The following ECPAS variants were observed in gnomAD, a reference collection of about 807,000 sequenced individuals.
ECPAS encodes Ecm29 proteasome adaptor and scaffold.
ECPAS carries 70 observed loss-of-function variants against 255.1 expected under a neutral mutation model. The observed-to-expected ratio is 0.27, with a 90% confidence interval of 0.23 to 0.33. The LOEUF (loss-of-function observed/expected upper bound fraction) is 0.33. Among genes scored for constraint, ECPAS ranks in the 10% least tolerant of loss-of-function variants. ECPAS has a pLI of 1.00. For missense variants in ECPAS, 1,817 were observed against 2,206.4 expected (o/e 0.82, Z 3.54); for synonymous variants, 784 against 775.0 (o/e 1.01, Z -0.19).
chr9:111,399,739 C>T (rs972440830), intron 24 of ECPAS, among the ~76,000 whole-genome samples: 15 of 152,198 alleles, frequency 9.9e-5, no homozygotes, highest in Non-Finnish European at 2.1e-4. Flanking sequence ...AGGCAGAGTC[C>T]GAAAGCCCCA....
rs2098183186 is a variant in ECPAS, at chr9:111,405,869, T to C, written c.2652+2702A>G. On this transcript the variant is annotated intron_variant, in intron 24 of 49. Transcript: ENST00000684092. ...ATCTCACCCTAGTTAGAACAGCCAT[T>C]ATCAAGAAGACAGAAAACAACAGCT... 1.3e-5 allele frequency among the ~76,000 whole-genome samples: 2 copies of C among 149,566 alleles called. 1 individual carries two copies. Among genetic ancestry groups the C allele is most frequent in the African/African-American group, 5.1e-5 (2 of 39,276 alleles).
chr9:111,363,440 C>A, intron 49 of ECPAS, 148 bp downstream of exon 49: 1 of 437,766 alleles, frequency 2.3e-6, no homozygotes, highest in Non-Finnish European at 4.0e-6. Flanking sequence ...ATAGTTTTGG[C>A]TTTGTCCATT....
intron 2 of ECPAS, among the ~76,000 whole-genome samples, chr9:111,455,353 G>A (rs562438359): frequency 3.9e-4 from 60 of 152,260 alleles, no homozygotes; most frequent in South Asian, 1.2e-3. Context: ...GCGTGGTGGC[G>A]GGTGCCTGTA....
At chr9:111,414,071 C>A in intron 19 of ECPAS, 85 bp from the exon 20 acceptor site, 2 of 824,876 alleles carry the variant, frequency 2.4e-6, no homozygotes, top group South Asian at 2.0e-5. Context: ...AGTATAAGGC[C>A]ACTGCTTTAG....
In ECPAS at chr9:111,451,503, T is replaced by C. The variant is rs780611450; in HGVS notation, c.75A>G (p.Gln25=). ...LRLGHAETDE[Q]LQNIISKFLP... is the part of the protein sequence containing the mutation. ...GGAATTTAGATATAATATTCTGTAA[T>C]TGTTCATCTGTTTCAGCATGGCCAA... Residue 25 remains glutamine (Q), a synonymous_variant, in exon 3 of 50, where the codon CAA becomes CAG. Transcript: ENST00000684092. 10 of 1,576,190 alleles carry C rather than the reference T, an allele frequency of 6.3e-6. No individual in the cohort carries two copies. Among genetic ancestry groups the C allele is most frequent in the Admixed American group, 3.7e-5 (2 of 54,786 alleles).
intron 1 of ECPAS, among the ~76,000 whole-genome samples, chr9:111,482,684 G>A (rs1016987519): frequency 1.3e-5 from 2 of 152,056 alleles, no homozygotes; most frequent in Non-Finnish European, 2.9e-5. Flanking sequence ...AAAACCCTTG[G>A]GGGGGAGAAC....
chr9:111,370,583 T>C lies in ECPAS; in HGVS notation c.4826A>G (p.Glu1609Gly). 1 of 1,611,222 alleles carries C rather than the reference T, an allele frequency of 6.2e-7. No homozygotes were observed. The change falls in exon 45 of 50, where the codon GAA becomes GGA. Residue 1609 changes from glutamate to glycine, a missense_variant. Glu to Gly is a moderately conservative substitution (Grantham distance 98). Around this residue, in one of 4 missense-constraint regions of ECPAS, gnomAD observed 960 missense variants for 1,179.0 expected, o/e 0.81. Coordinates refer to ENST00000684092, the MANE Select transcript of ECPAS (RefSeq NM_001364929.1). ...TTCCTTCAGAACAGCTTGAAGAATT[T>C]CATTTGTGCTGGGTTGATTGGGCAC... ...KSVPNQPSTNEILQAVLKECS... is the reference protein window; with the variant it reads ...KSVPNQPSTNGILQAVLKECS...
intron 2 of ECPAS, among the ~76,000 whole-genome samples, chr9:111,459,460 T>TA (rs1357595564): frequency 1.3e-5 from 2 of 152,152 alleles, no homozygotes; most frequent in African/African-American, 4.8e-5. Context: ...ATCAGAAGTC[T>TA]ACGAAATATT....
At chr9:111,422,263 A>C in intron 13 of ECPAS, 63 bp from the exon 14 acceptor site, 1 of 1,522,828 alleles carries the variant, frequency 6.6e-7, no homozygotes, top group Non-Finnish European at 9.1e-7. Context: ...AAAGGGAAAA[A>C]ATGAAACTAA....
chr9:111,383,689 GGCA>G (rs1171919505), intron 34 of ECPAS, among the ~76,000 whole-genome samples: 2 of 152,182 alleles, frequency 1.3e-5, no homozygotes, highest in Non-Finnish European at 2.9e-5. Flanking sequence ...GGGAGGCCGA[GGCA>G]GGCGGATTGC....
In ECPAS at chr9:111,478,712, G is replaced by A. The variant is rs182324070; in HGVS notation, c.-83+5404C>T. 5.8e-3 allele frequency among the ~76,000 whole-genome samples: 884 copies of A among 152,226 alleles called. 8 individuals carry two copies. Among genetic ancestry groups the A allele is most frequent in the African/African-American group, 0.019 (809 of 41,538 alleles). On this transcript the variant is annotated intron_variant, in intron 1 of 49. Transcript: ENST00000684092. Reference sequence around the variant, plus strand: ...ATGTTCATTTGAAATCTATAGAAATGCAGTTTTACCAGCTACACATCTCAA... The same window carrying A: ...ATGTTCATTTGAAATCTATAGAAATACAGTTTTACCAGCTACACATCTCAA...
At chr9:111,441,569 T>C (rs1405930800) in intron 5 of ECPAS, among the ~76,000 whole-genome samples, 1 of 152,188 alleles carries the variant, frequency 6.6e-6, no homozygotes, top group African/African-American at 2.4e-5. Context: ...CATATTAATA[T>C]TTTGAATACA....
At chr9:111,428,618 CACAGATATGTGTG>C (rs1589185783) in intron 9 of ECPAS, among the ~76,000 whole-genome samples, 1 of 152,174 alleles carries the variant, frequency 6.6e-6, no homozygotes, top group East Asian at 1.9e-4. Context: ...ACCTCGCTTG[CACAGATATGTGTG>C]GTTGGAAAAG....
intron 24 of ECPAS, among the ~76,000 whole-genome samples, chr9:111,401,248 G>C (rs570116645): frequency 6.6e-6 from 1 of 152,138 alleles, no homozygotes; most frequent in Non-Finnish European, 1.5e-5. Flanking sequence ...CCTAAGTGTC[G>C]GTTGGTCTGA....
chr9:111,402,092 T>C (rs2098176981), intron 24 of ECPAS, among the ~76,000 whole-genome samples: 1 of 152,204 alleles, frequency 6.6e-6, no homozygotes, highest in African/African-American at 2.4e-5. Context: ...TAAATGTCCA[T>C]GAAATCTTCA....
intron 1 of ECPAS, among the ~76,000 whole-genome samples, chr9:111,480,292 C>CTTTTTTTTT (rs398011866): frequency 1.1e-4 from 7 of 63,626 alleles, no homozygotes; most frequent in Non-Finnish European, 1.4e-4. Context: ...AGCACCTTTT[C>CTTTTTTTTT]TTTTTTTTTT....
rs1361549354 is a variant in ECPAS, at chr9:111,366,550, G to A, written c.5191C>T (p.Leu1731=). 1.2e-6 allele frequency: 2 copies of A among 1,613,152 alleles called. No individual in the cohort carries two copies. Among genetic ancestry groups the A allele is most frequent in the Admixed American group, 1.7e-5 (1 of 59,924 alleles). The part of the protein sequence containing the change: ...LSTWKVQLGV[L]QSMNAFFQGL... ...TGAAAAAAGGCATTCATTGATTGCAGGACTCCTAGCTGCACTTTCCACGTG... is the reference window on the plus strand; with the variant it reads ...TGAAAAAAGGCATTCATTGATTGCAAGACTCCTAGCTGCACTTTCCACGTG... The change falls in exon 47 of 50, where the codon CTG becomes TTG. Residue 1731 remains leucine (L), a synonymous_variant. Transcript: ENST00000684092.
At chr9:111,390,142 T>C (rs912652298) in intron 29 of ECPAS, 41 bp from the exon 30 acceptor site, 5 of 1,208,012 alleles carry the variant, frequency 4.1e-6, no homozygotes, top group African/African-American at 3.0e-5. Context: ...AATACACTTC[T>C]CTCTCTCCAG....
chr9:111,427,158 C>CAAAAAA (rs1308047192), intron 10 of ECPAS, among the ~76,000 whole-genome samples: 1 of 49,776 alleles, frequency 2.0e-5, no homozygotes. Context: ...GACCCTGTCT[C>CAAAAAA]AGAAAAAAAA....
Sources: allele counts gnomAD v4.1 joint callset (sites outside exome capture counted in the v4.1 genomes callset), GRCh38; gene constraint gnomAD v4.1.1; regional missense constraint gnomAD v4.1.1; transcripts MANE v1.5; gene names NCBI Gene and HGNC (gene_info 2026-07-23, HGNC 2026-07-21).